The following CHRM3 variants were observed in gnomAD, a reference collection of about 807,000 sequenced individuals.
The protein encoded by CHRM3 is muscarinic acetylcholine receptor M3.
CHRM3 carries 11 observed loss-of-function variants against 41.8 expected under a neutral mutation model. The ratio of observed to expected loss-of-function variants is 0.26; its 90% CI spans 0.17 to 0.44. The LOEUF (loss-of-function observed/expected upper bound fraction) is 0.44, where lower values mean the gene tolerates loss of function less well. Among genes scored for constraint, CHRM3 ranks in the 20% least tolerant of loss-of-function variants. The pLI, the probability that CHRM3 is intolerant of heterozygous loss-of-function variation, is 1.00. For synonymous variants in CHRM3, 297 were observed against 301.4 expected (o/e 0.99, Z 0.15); for missense variants, 571 against 745.4 (o/e 0.77, Z 2.72).
intron 1 of CHRM3, among the ~76,000 whole-genome samples, chr1:239,397,281 T>G (rs576486145): frequency 1.3e-5 from 2 of 152,336 alleles, no homozygotes; most frequent in East Asian, 3.9e-4. Context: ...TCATTTTGAA[T>G]TCTGAATGTG....
In CHRM3 at chr1:239,910,340, A is replaced by G. The variant is rs1459277254; in HGVS notation, c.*1116A>G. 3 of 163,706 alleles carry G rather than the reference A, an allele frequency of 1.8e-5. No homozygotes were observed. The highest frequency in any genetic ancestry group is 7.4e-5 in the African/African-American group (3 of 40,740). 10.1% of individuals were successfully genotyped at this position (163,706 alleles called of 1,614,324 possible). A position where few individuals can be genotyped will look rare whatever the true frequency, so the allele number is the denominator to read the frequency against. On this transcript the variant is annotated 3_prime_UTR_variant, in exon 7 of 7. Coordinates refer to ENST00000676153, the MANE Select transcript of CHRM3 (RefSeq NM_001375978.1). Reference sequence around the variant, plus strand: ...ATGTGTATATATATATATATGGCAAAGCAAAAAAAAAAACATGGTAAGAGA... The same window carrying G: ...ATGTGTATATATATATATATGGCAAGGCAAAAAAAAAAACATGGTAAGAGA...
At chr1:239,890,277 G>A (rs1678440220) in intron 6 of CHRM3, among the ~76,000 whole-genome samples, 1 of 151,936 alleles carries the variant, frequency 6.6e-6, no homozygotes, top group Admixed American at 6.6e-5. Context: ...CGGAGAGGAG[G>A]CAGAGGTTGT....
At chr1:239,543,043 C>A (rs190103089) in intron 2 of CHRM3, among the ~76,000 whole-genome samples, 49 of 152,192 alleles carry the variant, frequency 3.2e-4, no homozygotes, top group African/African-American at 1.2e-3. Flanking sequence ...TTTTAGAGTT[C>A]TTCTGTTTGT....
intron 4 of CHRM3, among the ~76,000 whole-genome samples, chr1:239,643,495 G>A (rs576315278): frequency 3.3e-4 from 51 of 152,276 alleles, no homozygotes; most frequent in East Asian, 7.7e-4. Flanking sequence ...CCCCAGCCGC[G>A]CTGCCGCCTT....
intron 1 of CHRM3, among the ~76,000 whole-genome samples, chr1:239,487,973 G>T (rs1667295144): frequency 6.6e-6 from 1 of 151,800 alleles, no homozygotes; most frequent in African/African-American, 2.4e-5. Context: ...TAAAGGAATA[G>T]TCAGTAATCA....
chr1:239,431,799 C>A (rs1380490058), intron 1 of CHRM3, among the ~76,000 whole-genome samples: 6 of 152,194 alleles, frequency 3.9e-5, no homozygotes, highest in Non-Finnish European at 7.3e-5. Context: ...ACTAAACAAA[C>A]CTCTAGACTC....
At chr1:239,661,061 G>A (rs970261781) in intron 4 of CHRM3, among the ~76,000 whole-genome samples, 1 of 152,054 alleles carries the variant, frequency 6.6e-6, no homozygotes, top group South Asian at 2.1e-4. Flanking sequence ...ACATGCCCAG[G>A]TCTCCTGATC....
intron 3 of CHRM3, among the ~76,000 whole-genome samples, chr1:239,563,585 T>C (rs945092732): frequency 3.3e-5 from 5 of 152,240 alleles, no homozygotes; most frequent in Non-Finnish European, 7.3e-5. Context: ...ATCTAGATTT[T>C]TTTTGTTTGT....
chr1:239,738,822 A>T (rs1664606048), intron 5 of CHRM3, among the ~76,000 whole-genome samples: 1 of 152,184 alleles, frequency 6.6e-6, no homozygotes, highest in Non-Finnish European at 1.5e-5. Context: ...AGCAGATATT[A>T]TTCAGAGAGT....
At chr1:239,751,133 G>A (rs629834) in intron 5 of CHRM3, among the ~76,000 whole-genome samples, 2,951 of 151,966 alleles carry the variant, frequency 0.019, 28 homozygotes, top group Middle Eastern at 0.031. Context: ...AGCTACTCAG[G>A]AGGCTGAGGC....
rs1386590290 is a variant in CHRM3 at position 239,832,078 on chromosome 1, G to A, written c.-20+4700G>A. Among the ~76,000 whole-genome samples the A allele has an allele frequency of 1.3e-5, 2 of 152,116 alleles. 1 individual carries two copies. The highest frequency in any genetic ancestry group is 2.9e-5 in the Non-Finnish European group (2 of 68,038). On this transcript the variant is annotated intron_variant, in intron 6 of 6. Coordinates refer to ENST00000676153, the MANE Select transcript of CHRM3 (RefSeq NM_001375978.1). ...TAATTAACTCTGCCTGCTTGTGGTC[G>A]AGGACAGAAGCTGTCACTGAATGTT...
At chr1:239,684,910 G>A (rs754601971) in intron 5 of CHRM3, among the ~76,000 whole-genome samples, 1 of 152,098 alleles carries the variant, frequency 6.6e-6, no homozygotes, top group Non-Finnish European at 1.5e-5. Context: ...GGGGGTGTTT[G>A]TAGGTGAACC....
At chr1:239,425,046 G>A (rs1662261066) in intron 1 of CHRM3, among the ~76,000 whole-genome samples, 1 of 152,220 alleles carries the variant, frequency 6.6e-6, no homozygotes, top group Non-Finnish European at 1.5e-5. Flanking sequence ...ATGCAGTTGA[G>A]AGATGATAGA....
chr1:239,799,012 C>T (rs138069260), intron 5 of CHRM3, among the ~76,000 whole-genome samples: 1 of 152,174 alleles, frequency 6.6e-6, no homozygotes, highest in East Asian at 1.9e-4. Flanking sequence ...GGAACTGGAC[C>T]TCGGGAAGTA....
chr1:239,433,551 G>A (rs979758918), intron 1 of CHRM3, among the ~76,000 whole-genome samples: 1 of 152,074 alleles, frequency 6.6e-6, no homozygotes, highest in Admixed American at 6.6e-5. Context: ...AGATTTTGGT[G>A]CACCCATCAC....
chr1:239,834,727 A>G (rs2075775849), intron 6 of CHRM3, among the ~76,000 whole-genome samples: 1 of 152,306 alleles, frequency 6.6e-6, no homozygotes, highest in Admixed American at 6.5e-5. Context: ...CACTTGAAAT[A>G]CAGTAGCATG....
At chr1:239,637,586 C>T (rs1236549963) in intron 4 of CHRM3, among the ~76,000 whole-genome samples, 1 of 127,144 alleles carries the variant, frequency 7.9e-6, no homozygotes, top group Non-Finnish European at 1.6e-5. Context: ...TTGTTATTAC[C>T]AAGAGTAGTG....
At chr1:239,871,148 T>C (rs1010376647) in intron 6 of CHRM3, among the ~76,000 whole-genome samples, 1 of 152,146 alleles carries the variant, frequency 6.6e-6, no homozygotes, top group African/African-American at 2.4e-5. Flanking sequence ...TATTTAAATA[T>C]ATAATGTTAT....
intron 4 of CHRM3, among the ~76,000 whole-genome samples, chr1:239,638,086 A>G (rs1670685732): frequency 6.6e-6 from 1 of 151,778 alleles, no homozygotes; most frequent in Non-Finnish European, 1.5e-5. Flanking sequence ...TACAAAGGAC[A>G]TGAACTCACC....
Sources: gnomAD v4.1 joint callset for allele counts (sites outside exome capture counted in the v4.1 genomes callset) on GRCh38, gnomAD v4.1.1 for gene constraint, MANE v1.5 for transcripts, NCBI Gene and HGNC (gene_info 2026-07-23, HGNC 2026-07-21) for gene names.